Variants in PCDH11X observed in about 807,000 individuals in gnomAD.
PCDH11X encodes the protein protocadherin 11 X-linked.
PCDH11X carries 18 observed loss-of-function variants against 53.3 expected under a neutral mutation model. The ratio of observed to expected loss-of-function variants is 0.34; its 90% CI spans 0.23 to 0.50. The LOEUF is 0.50. PCDH11X is among the 20% of genes least tolerant of loss of function. PCDH11X has a pLI of 0.98. For missense variants in PCDH11X, 570 were observed against 1,032.4 expected (o/e 0.55, Z 6.14); for synonymous variants, 279 against 393.3 (o/e 0.71, Z 3.44).
chrX:92,481,922 A>T (rs1306973755), intron 10 of PCDH11X, among the ~76,000 whole-genome samples: 2 of 99,868 alleles, frequency 2.0e-5, no homozygotes, highest in Non-Finnish European at 4.1e-5. Context: ...GTTCCCTTAG[A>T]GTTACTGGGG....
At chrX:91,808,412 T>G (rs1399981007) in intron 1 of PCDH11X, among the ~76,000 whole-genome samples, 1 of 109,390 alleles carries the variant, frequency 9.1e-6, no homozygotes, top group Non-Finnish European at 1.9e-5. Flanking sequence ...GGACAATTGC[T>G]TGAACCCGGG....
intron 10 of PCDH11X, among the ~76,000 whole-genome samples, chrX:92,479,770 A>G (rs754472012): frequency 5.7e-5 from 6 of 104,529 alleles, no homozygotes; most frequent in Admixed American, 2.1e-4. Context: ...ACTCTTCTCT[A>G]GTTGCCTTTA....
At chrX:92,029,279 C>T (rs1366265574) in intron 6 of PCDH11X, among the ~76,000 whole-genome samples, 2 of 110,944 alleles carry the variant, frequency 1.8e-5, no homozygotes, top group Non-Finnish European at 3.8e-5. Context: ...TTATCACCAC[C>T]TCCCGTGGGT....
chrX:92,603,591 A>G (rs1333071411), intron 10 of PCDH11X, among the ~76,000 whole-genome samples: 1 of 107,880 alleles, frequency 9.3e-6, no homozygotes, highest in Non-Finnish European at 1.9e-5. Flanking sequence ...AGTGGATACC[A>G]GAAGGCAAGA....
chrX:92,412,796 T>C (rs1449879603), intron 9 of PCDH11X, among the ~76,000 whole-genome samples: 2 of 107,650 alleles, frequency 1.9e-5, no homozygotes, highest in Non-Finnish European at 3.8e-5. Context: ...TCTGTCTCTG[T>C]GTGTGTGTGT....
intron 4 of PCDH11X, among the ~76,000 whole-genome samples, chrX:91,833,964 A>G (rs1194959597): frequency 9.0e-6 from 1 of 111,616 alleles, no homozygotes; most frequent in Non-Finnish European, 1.9e-5. Context: ...TTAACTGGAT[A>G]CCTATATGCA....
At chrX:91,840,595 T>C (rs1469872735) in intron 5 of PCDH11X, among the ~76,000 whole-genome samples, 1 of 111,796 alleles carries the variant, frequency 8.9e-6, no homozygotes, top group Non-Finnish European at 1.9e-5. Context: ...TGTTTTGCGA[T>C]CTGGGGTTAG....
intron 10 of PCDH11X, among the ~76,000 whole-genome samples, chrX:92,575,370 T>A (rs902583168): frequency 2.7e-5 from 3 of 110,304 alleles, no homozygotes; most frequent in Non-Finnish European, 5.7e-5. Context: ...TAATAATTTT[T>A]ATATGGTGAA....
chrX:92,278,791 G>A (rs1413268855), intron 8 of PCDH11X, among the ~76,000 whole-genome samples: 1 of 101,549 alleles, frequency 9.8e-6, no homozygotes, highest in African/African-American at 3.7e-5. Flanking sequence ...TCAGAGGCCT[G>A]ACAGTCTCTT....
intron 6 of PCDH11X, chrX:91,883,353 T>C (rs1488183197): frequency 1.3e-6 from 1 of 744,787 alleles, no homozygotes; most frequent in Non-Finnish European, 1.6e-6. Flanking sequence ...TGAGCTGAAC[T>C]AGCCAAACTA....
At chrX:92,573,528 A>G (rs758153025) in intron 10 of PCDH11X, among the ~76,000 whole-genome samples, 161 of 111,232 alleles carry the variant, frequency 1.4e-3, no homozygotes, top group Non-Finnish European at 2.3e-3. Flanking sequence ...ACCACAGTTC[A>G]GTTGTAAAAG....
intron 10 of PCDH11X, among the ~76,000 whole-genome samples, chrX:92,560,954 C>T (rs1303698932): frequency 6.6e-5 from 7 of 105,702 alleles, no homozygotes; most frequent in Admixed American, 2.0e-4. Context: ...CATGGAGGTG[C>T]TTGCATCACA....
intron 6 of PCDH11X, among the ~76,000 whole-genome samples, chrX:92,158,785 G>A (rs758101294): frequency 1.8e-5 from 2 of 110,132 alleles, no homozygotes; most frequent in East Asian, 2.9e-4. Flanking sequence ...ACAGGCACGC[G>A]CTGCCATGCC....
intron 8 of PCDH11X, among the ~76,000 whole-genome samples, chrX:92,345,521 A>C (rs776608302): frequency 9.0e-6 from 1 of 111,333 alleles, no homozygotes; most frequent in African/African-American, 3.2e-5. Context: ...TCAGAATATT[A>C]GAAAATGTCT....
At chrX:91,821,410 T>C (rs1242807412) in intron 4 of PCDH11X, among the ~76,000 whole-genome samples, 1 of 110,643 alleles carries the variant, frequency 9.0e-6, no homozygotes, top group African/African-American at 3.3e-5. Context: ...GTTGGATTCC[T>C]AGGTATTTTA....
intron 6 of PCDH11X, among the ~76,000 whole-genome samples, chrX:92,085,288 G>A (rs2063930967): frequency 9.1e-6 from 1 of 110,382 alleles, no homozygotes; most frequent in Non-Finnish European, 1.9e-5. Flanking sequence ...TATACTAAAA[G>A]AGGTTGTAGT....
At chrX:92,457,798 CAA>C (rs2072937252) in intron 9 of PCDH11X, among the ~76,000 whole-genome samples, 1 of 108,028 alleles carries the variant, frequency 9.3e-6, no homozygotes, top group Non-Finnish European at 1.9e-5. Context: ...TTTGGGGGAA[CAA>C]TGCAATATTT....
chrX:92,609,251 A>G (rs1927115738), intron 10 of PCDH11X, among the ~76,000 whole-genome samples: 1 of 111,808 alleles, frequency 8.9e-6, no homozygotes, highest in Non-Finnish European at 1.9e-5. Flanking sequence ...TTTTGCATAA[A>G]TATGCAGGAC....
intron 10 of PCDH11X, among the ~76,000 whole-genome samples, chrX:92,585,621 C>T (rs1262742550): frequency 4.5e-5 from 5 of 109,993 alleles, no homozygotes; most frequent in Non-Finnish European, 7.6e-5. Flanking sequence ...CCACCCGCCT[C>T]GGCCTCCCAA....
Sources: allele counts gnomAD v4.1 joint callset (sites outside exome capture counted in the v4.1 genomes callset), GRCh38; gene constraint gnomAD v4.1.1; transcripts MANE v1.5; gene names NCBI Gene and HGNC (gene_info 2026-07-23, HGNC 2026-07-21).